Variants in SAMSN1 observed in about 807,000 individuals in gnomAD.
The protein encoded by SAMSN1 is SAM domain, SH3 domain and nuclear localization signals 1, also known as SAM domain-containing protein SAMSN-1.
In SAMSN1, 31 loss-of-function variants were observed where a neutral mutation model predicts 42.0. The observed-to-expected ratio is 0.74, with a 90% confidence interval of 0.55 to 1.00. The LOEUF is 1.00. Among genes scored for constraint, SAMSN1 ranks in the 50% least tolerant of loss-of-function variants. SAMSN1 has a pLI of 0.00. For synonymous variants in SAMSN1, 178 were observed against 151.9 expected, an observed-to-expected ratio of 1.17 and a Z score of -1.26; for missense variants, 464 against 439.4, an observed-to-expected ratio of 1.06 and a Z score of -0.50.
intron 5 of SAMSN1, among the ~76,000 whole-genome samples, chr21:14,503,253 C>G (rs1386693812): frequency 6.6e-6 from 1 of 152,036 alleles, no homozygotes; most frequent in Non-Finnish European, 1.5e-5. Context: ...AAGATTAAGG[C>G]CTGAGTGAGC....
At chr21:14,622,534 C>T (rs1028887389) in intron 2 of SAMSN1, among the ~76,000 whole-genome samples, 11 of 151,966 alleles carry the variant, frequency 7.2e-5, no homozygotes, top group African/African-American at 2.7e-4. Flanking sequence ...GATTGAAGAT[C>T]AAATGAATGA....
At chr21:14,634,955 G>C (rs990509121) in intron 2 of SAMSN1, among the ~76,000 whole-genome samples, 1 of 152,286 alleles carries the variant, frequency 6.6e-6, no homozygotes, top group Admixed American at 6.5e-5. Flanking sequence ...ATGATAGACT[G>C]GAAAAGAAAA....
intron 2 of SAMSN1, among the ~76,000 whole-genome samples, chr21:14,619,901 G>A (rs1982955682): frequency 6.6e-6 from 1 of 150,664 alleles, no homozygotes; most frequent in Non-Finnish European, 1.5e-5. Flanking sequence ...TGGCGTCTCT[G>A]TGTGACATCC....
chr21:14,508,272 C>T (rs1331816233), intron 5 of SAMSN1, among the ~76,000 whole-genome samples: 2 of 152,142 alleles, frequency 1.3e-5, no homozygotes, highest in South Asian at 2.1e-4. Flanking sequence ...AAACAGACAA[C>T]CCACAGGGTG....
At chr21:14,614,145 C>A (rs1982774407) in intron 3 of SAMSN1, among the ~76,000 whole-genome samples, 1 of 152,064 alleles carries the variant, frequency 6.6e-6, no homozygotes, top group Non-Finnish European at 1.5e-5. Context: ...AATTTAATGT[C>A]ATTTGTCTTG....
At chr21:14,561,998 C>G (rs1445957103) in intron 2 of SAMSN1, among the ~76,000 whole-genome samples, 1 of 152,240 alleles carries the variant, frequency 6.6e-6, no homozygotes, top group African/African-American at 2.4e-5. Context: ...CTTTTAGCCT[C>G]CAGAACTGAG....
chr21:14,634,874 C>T (rs1376326899), intron 2 of SAMSN1, among the ~76,000 whole-genome samples: 1 of 152,194 alleles, frequency 6.6e-6, no homozygotes, highest in African/African-American at 2.4e-5. Flanking sequence ...TATAAAGATA[C>T]ATGGACACTT....
intron 1 of SAMSN1, among the ~76,000 whole-genome samples, chr21:14,654,441 A>ATT: frequency 6.6e-6 from 1 of 152,090 alleles, no homozygotes; most frequent in Non-Finnish European, 1.5e-5. Flanking sequence ...AGTTTTAGAC[A>ATT]TATTAAGCTC....
chr21:14,498,527 C>A lies in SAMSN1; in HGVS notation c.834G>T (p.Glu278Asp). The part of the protein sequence containing the change: ...ETLEDLKDIK[E>D]SHLIELNIEN... ...CAATATTTAATTCAATGAGGTGACT[C>A]TCTTTTATATCTTTTAAATCTTCTA... The change falls in exon 7 of 8, where the codon GAG (glutamate) becomes GAT (aspartate). Residue 278 changes from glutamate to aspartate, a missense_variant. Transcript: ENST00000400566. The A allele has an allele frequency of 1.9e-6, 3 of 1,611,078 alleles. No individual in the cohort carries two copies. Among genetic ancestry groups the A allele is most frequent in the Non-Finnish European group, 2.5e-6 (3 of 1,178,324 alleles).
chr21:14,548,352 T>C (rs1407952087), upstream of SAMSN1, among the ~76,000 whole-genome samples: 1 of 152,064 alleles, frequency 6.6e-6, no homozygotes, highest in East Asian at 1.9e-4. Context: ...AGGCATGAAG[T>C]TTCAGTTTGA....
intron 7 of SAMSN1, among the ~76,000 whole-genome samples, chr21:14,593,346 A>G (rs1441544981): frequency 6.6e-6 from 1 of 152,124 alleles, no homozygotes; most frequent in African/African-American, 2.4e-5. Flanking sequence ...CAAGAACTAC[A>G]AATAGGACTT....
upstream of SAMSN1, among the ~76,000 whole-genome samples, chr21:14,586,031 G>A (rs894999870): frequency 1.3e-5 from 2 of 152,002 alleles, no homozygotes; most frequent in African/African-American, 2.4e-5. Flanking sequence ...TTGGGAGGCT[G>A]AGGTGGGCGG....
chr21:14,594,933 C>T (rs1030167715), intron 6 of SAMSN1, among the ~76,000 whole-genome samples: 2 of 152,128 alleles, frequency 1.3e-5, no homozygotes, highest in East Asian at 1.9e-4. Context: ...AACATAGTGG[C>T]TTCTGCTGTA....
At chr21:14,503,312 C>T (rs923472638) in intron 5 of SAMSN1, among the ~76,000 whole-genome samples, 17 of 152,084 alleles carry the variant, frequency 1.1e-4, no homozygotes, top group Admixed American at 9.8e-4. Context: ...GTAGAGAGGG[C>T]CTTGGCTGGT....
intron 7 of SAMSN1, chr21:14,496,470 TG>T (rs368204181): frequency 2.4e-4 from 37 of 152,350 alleles, no homozygotes; most frequent in African/African-American, 8.7e-4. Context: ...CTGTACTTCA[TG>T]GTCAAATCAT....
In SAMSN1 at chr21:14,512,023, A is replaced by G. The variant is rs549709435; in HGVS notation, c.409+421T>C. On this transcript the variant is annotated intron_variant, in intron 4 of 7. Transcript: ENST00000400566. ...GGTCGGGGGAGAAAGAATGAGGGGG[A>G]CGCAGGGAAGAGGAAGGGAGAAAGA... 2.2e-4 allele frequency among the ~76,000 whole-genome samples: 34 copies of G among 152,166 alleles called. No individual in the cohort carries two copies. The East Asian group carries it at 5.6e-3, about 25-fold the overall frequency.
intron 2 of SAMSN1, among the ~76,000 whole-genome samples, chr21:14,577,048 CTT>C (rs991163598): frequency 7.3e-4 from 40 of 54,902 alleles, no homozygotes; most frequent in African/African-American, 2.1e-3. Context: ...GCATCCGTTT[CTT>C]TTTTTTTTTT....
chr21:14,639,797 G>T (rs73894144), intron 2 of SAMSN1, among the ~76,000 whole-genome samples: 1 of 151,926 alleles, frequency 6.6e-6, no homozygotes. Flanking sequence ...GTTCACTCCC[G>T]CTAGTTTTTG....
intron 2 of SAMSN1, among the ~76,000 whole-genome samples, chr21:14,579,250 G>A (rs541348033): frequency 2.4e-4 from 36 of 152,192 alleles, no homozygotes; most frequent in Middle Eastern, 6.8e-3. Context: ...TTTCTGTCAC[G>A]AATGCTGAAC....
Sources: gnomAD v4.1 joint callset for allele counts (sites outside exome capture counted in the v4.1 genomes callset) on GRCh38, gnomAD v4.1.1 for gene constraint, MANE v1.5 for transcripts, NCBI Gene and HGNC (gene_info 2026-07-23, HGNC 2026-07-21) for gene names.